DEUP1: variants seen among roughly 807,000 people sequenced by gnomAD.
DEUP1 encodes deuterosome assembly protein 1.
Under a neutral mutation model 87.4 loss-of-function variants are expected in DEUP1, and 82 were observed. The ratio of observed to expected loss-of-function variants is 0.94; its 90% confidence interval spans 0.78 to 1.13. The LOEUF (loss-of-function observed/expected upper bound fraction) is 1.13. DEUP1 is among the 50% of genes most tolerant of loss of function. The probability of loss-of-function intolerance (pLI) is 0.00; values close to 1 mark genes in which losing one functional copy is unlikely to be tolerated. For missense variants in DEUP1, 663 were observed against 681.5 expected (o/e 0.97, Z 0.30); for synonymous variants, 214 against 222.7 (o/e 0.96, Z 0.35).
chr11:93,354,453 T>C (rs1944781782), intron 2 of DEUP1, among the ~76,000 whole-genome samples: 1 of 152,182 alleles, frequency 6.6e-6, no homozygotes, highest in Non-Finnish European at 1.5e-5. Context: ...CAAAGTTGCT[T>C]CCACATTTCG....
At chr11:93,436,209 C>A (rs940682787) in intron 13 of DEUP1, among the ~76,000 whole-genome samples, 1 of 152,140 alleles carries the variant, frequency 6.6e-6, no homozygotes, top group African/African-American at 2.4e-5. Flanking sequence ...GTACATACAT[C>A]TTTCCATCCC....
intron 11 of DEUP1, among the ~76,000 whole-genome samples, chr11:93,398,198 C>T (rs941586656): frequency 6.6e-6 from 1 of 152,080 alleles, no homozygotes; most frequent in Non-Finnish European, 1.5e-5. Context: ...TTTGTTCACT[C>T]AACAGTATCC....
rs566593176 is a variant in DEUP1, at chr11:93,337,488, T to G, written c.29+5200T>G. Among the ~76,000 whole-genome samples, 10 of 152,372 alleles carry G rather than the reference T, an allele frequency of 6.6e-5. No individual in the cohort carries two copies. In the South Asian group the frequency reaches 1.9e-3, roughly 28 times the overall value. On this transcript the variant is annotated intron_variant, in intron 2 of 13. Transcript: ENST00000298050. ...CCCTTGCTTTCTGGTTAGCCCAGAC[T>G]GTACCCCCTTACTCTCCCTCTCTTC...
At chr11:93,338,489 G>A (rs1295128204) in intron 2 of DEUP1, among the ~76,000 whole-genome samples, 2 of 149,492 alleles carry the variant, frequency 1.3e-5, no homozygotes, top group African/African-American at 4.9e-5. Flanking sequence ...TTCCTGCAAT[G>A]TCAGCCTCCT....
chr11:93,407,524 T>C (rs540648406), intron 11 of DEUP1, among the ~76,000 whole-genome samples: 89 of 152,264 alleles, frequency 5.8e-4, no homozygotes, highest in African/African-American at 2.0e-3. Flanking sequence ...ATTGATACTT[T>C]ATGTTGATAT....
At chr11:93,391,707 CAAAA>C (rs57417014) in intron 9 of DEUP1, among the ~76,000 whole-genome samples, 2 of 78,150 alleles carry the variant, frequency 2.6e-5, no homozygotes, top group Non-Finnish European at 5.5e-5. Context: ...GACTCCATCT[CAAAA>C]AAAAAAAAAA....
rs180956797 is a variant in DEUP1 at position 93,408,514 on chromosome 11, C to T, written c.1523+87C>T. ...AAAGAATTCAAATTATAACTTTATA[C>T]GCTTTCTCTTCTGTGGTTTAAAATT... On this transcript the variant is annotated intron_variant, in intron 12 of 13. Transcript: ENST00000298050. 6.2e-4 allele frequency: 531 copies of T among 856,352 alleles called. 1 individual carries two copies. Among genetic ancestry groups the T allele is most frequent in the African/African-American group, 2.8e-3 (164 of 57,882 alleles). The allele number at this position is 856,352 out of a possible 1,614,324, so 53.0% of individuals were successfully genotyped here.
intron 8 of DEUP1, among the ~76,000 whole-genome samples, chr11:93,386,588 T>A (rs1195030132): frequency 1.3e-5 from 2 of 152,204 alleles, no homozygotes; most frequent in Admixed American, 6.5e-5. Context: ...TGTGAGACCT[T>A]CAAAGTTGTG....
chr11:93,416,625 T>G (rs12292211), intron 13 of DEUP1, among the ~76,000 whole-genome samples: 52,831 of 151,100 alleles, frequency 0.35, 9,879 homozygotes, highest in African/African-American at 0.48. Context: ...TACCATTCCT[T>G]CTGAAACTAT....
intron 2 of DEUP1, among the ~76,000 whole-genome samples, chr11:93,345,770 C>T (rs899058005): frequency 3.9e-5 from 6 of 152,066 alleles, no homozygotes; most frequent in South Asian, 4.2e-4. Flanking sequence ...TTGTCAGATG[C>T]GTGGTTTGCA....
At chr11:93,367,591 T>C (rs1945487484) in intron 5 of DEUP1, among the ~76,000 whole-genome samples, 1 of 152,226 alleles carries the variant, frequency 6.6e-6, no homozygotes. Flanking sequence ...TTCCCTACTT[T>C]ATTATATATT....
At chr11:93,413,629 T>G (rs937492936) in intron 12 of DEUP1, among the ~76,000 whole-genome samples, 1 of 152,242 alleles carries the variant, frequency 6.6e-6, no homozygotes, top group Non-Finnish European at 1.5e-5. Context: ...GGACCTTTTT[T>G]GTAAAACTTT....
chr11:93,398,916 T>G (rs930969809), intron 11 of DEUP1, among the ~76,000 whole-genome samples: 1 of 151,968 alleles, frequency 6.6e-6, no homozygotes, highest in African/African-American at 2.4e-5. Context: ...AGAGATGGGG[T>G]TTAGCCATGT....
chr11:93,427,234 G>T (rs1003014152), intron 13 of DEUP1, among the ~76,000 whole-genome samples: 1 of 150,424 alleles, frequency 6.6e-6, no homozygotes, highest in African/African-American at 2.5e-5. Context: ...ATACTACAAG[G>T]CTACAGTAAC....
At chr11:93,386,634 T>C (rs921737284) in intron 8 of DEUP1, among the ~76,000 whole-genome samples, 4 of 152,212 alleles carry the variant, frequency 2.6e-5, no homozygotes, top group Non-Finnish European at 4.4e-5. Flanking sequence ...CTATGCTTAA[T>C]AACAAATGGC....
rs1025967642 is a variant in DEUP1 at position 93,371,421 on chromosome 11, C to T, written c.789+141C>T. ...CCATTCATATTTCCTCTTAGTAATT[C>T]GCACTTGATGCGTAGATTCAATAAT... On this transcript the variant is annotated intron_variant, in intron 7 of 13. Coordinates refer to ENST00000298050, the MANE Select transcript of DEUP1 (RefSeq NM_181645.4). 48 of 937,382 alleles carry T rather than the reference C, an allele frequency of 5.1e-5. No homozygotes were observed. The African/African-American group carries it at 6.2e-4, about 12-fold the overall frequency. The allele number at this position is 937,382 out of a possible 1,614,324, so 58.1% of individuals were successfully genotyped here. A position where few individuals can be genotyped will look rare whatever the true frequency, so the allele number is the denominator to read the frequency against.
intron 2 of DEUP1, among the ~76,000 whole-genome samples, chr11:93,339,210 T>C (rs2134157017): frequency 6.6e-6 from 1 of 152,344 alleles, no homozygotes; most frequent in South Asian, 2.1e-4. Flanking sequence ...GTTTCACATG[T>C]TGCCATATTA....
At chr11:93,378,982 A>G (rs1457148702) in intron 7 of DEUP1, among the ~76,000 whole-genome samples, 2 of 152,186 alleles carry the variant, frequency 1.3e-5, no homozygotes, top group Non-Finnish European at 2.9e-5. Flanking sequence ...TTTGATCCAT[A>G]CAAATCAATG....
At chr11:93,404,600 T>C (rs551500736) in intron 11 of DEUP1, among the ~76,000 whole-genome samples, 1 of 152,198 alleles carries the variant, frequency 6.6e-6, no homozygotes, top group East Asian at 1.9e-4. Flanking sequence ...TACTGTTAAA[T>C]ATGCATAAGA....
Sources: allele counts gnomAD v4.1 joint callset (sites outside exome capture counted in the v4.1 genomes callset), GRCh38; gene constraint gnomAD v4.1.1; transcripts MANE v1.5; gene names NCBI Gene and HGNC (gene_info 2026-07-23, HGNC 2026-07-21).